The following JARID2 variants were observed in gnomAD, a reference collection of about 807,000 sequenced individuals.
JARID2 encodes the protein protein Jumonji.
Under a neutral mutation model 125.6 loss-of-function variants are expected in JARID2, and 21 were observed. The observed-to-expected ratio is 0.17, with a 90% CI of 0.12 to 0.24. JARID2 has a LOEUF of 0.24. Ranked by LOEUF, JARID2 falls within the 10% of genes least tolerant of loss-of-function variation. The pLI is 1.00. For missense variants in JARID2, 1,303 were observed against 1,639.6 expected, an observed-to-expected ratio of 0.79 and a Z score of 3.55; for synonymous variants, 736 against 661.6, an observed-to-expected ratio of 1.11 and a Z score of -1.73.
chr6:15,265,815 A>G (rs1344060698), intron 1 of JARID2, among the ~76,000 whole-genome samples: 1 of 152,032 alleles, frequency 6.6e-6, no homozygotes, highest in Non-Finnish European at 1.5e-5. Flanking sequence ...CATTCACAGG[A>G]TAGTGTGGGA....
intron 1 of JARID2, among the ~76,000 whole-genome samples, chr6:15,267,232 CCTAAA>C (rs1219743248): frequency 1.3e-5 from 2 of 152,150 alleles, no homozygotes; most frequent in Non-Finnish European, 2.9e-5. Flanking sequence ...CTCTTACTCT[CCTAAA>C]CTATTCTCCC....
chr6:15,257,292 T>C (rs1759702034), intron 1 of JARID2, among the ~76,000 whole-genome samples: 1 of 152,226 alleles, frequency 6.6e-6, no homozygotes, highest in Non-Finnish European at 1.5e-5. Context: ...TTTTGCTTAA[T>C]AAGAAGTGAT....
At chr6:15,519,168 G>A (rs951254992) in intron 17 of JARID2, among the ~76,000 whole-genome samples, 1 of 152,332 alleles carries the variant, frequency 6.6e-6, no homozygotes. Flanking sequence ...GCACACTGCC[G>A]CTCCTCCTCA....
intron 3 of JARID2, among the ~76,000 whole-genome samples, chr6:15,451,218 C>T (rs970436640): frequency 6.6e-6 from 1 of 152,058 alleles, no homozygotes; most frequent in African/African-American, 2.4e-5. Context: ...GGAATTTCTA[C>T]GTAAGATATT....
At chr6:15,269,572 A>ATT (rs35174256) in intron 1 of JARID2, among the ~76,000 whole-genome samples, 27 of 135,630 alleles carry the variant, frequency 2.0e-4, no homozygotes, top group East Asian at 1.5e-3. Context: ...CTATTTTAAA[A>ATT]TTTTTTTTTT....
intron 1 of JARID2, among the ~76,000 whole-genome samples, chr6:15,314,650 C>T (rs1048295332): frequency 1.2e-4 from 18 of 152,120 alleles, no homozygotes; most frequent in African/African-American, 3.1e-4. Flanking sequence ...GTTGAGGCCT[C>T]TTCAGTGAGA....
intron 1 of JARID2, among the ~76,000 whole-genome samples, chr6:15,348,224 T>A (rs193085685): frequency 6.6e-6 from 1 of 151,982 alleles, no homozygotes; most frequent in East Asian, 1.9e-4. Context: ...CCCGAATAGC[T>A]GGGATTACAG....
intron 2 of JARID2, among the ~76,000 whole-genome samples, chr6:15,393,321 T>G (rs1765095244): frequency 6.6e-6 from 1 of 152,200 alleles, no homozygotes; most frequent in African/African-American, 2.4e-5. Flanking sequence ...GCCTAGCAAT[T>G]TATTGCTGAG....
chr6:15,428,109 A>G (rs1766809533), intron 3 of JARID2, among the ~76,000 whole-genome samples: 1 of 152,106 alleles, frequency 6.6e-6, no homozygotes, highest in Non-Finnish European at 1.5e-5. Flanking sequence ...CTTGTTTTAG[A>G]AGAAAATTGG....
At chr6:15,308,568 C>T (rs752873121) in intron 1 of JARID2, among the ~76,000 whole-genome samples, 12 of 152,284 alleles carry the variant, frequency 7.9e-5, no homozygotes, top group Middle Eastern at 3.4e-3. Context: ...TAAATAGTGA[C>T]GGTTGATCTA....
At chr6:15,437,989 G>GT (rs1218650669) in intron 3 of JARID2, among the ~76,000 whole-genome samples, 4 of 152,162 alleles carry the variant, frequency 2.6e-5, no homozygotes, top group African/African-American at 9.6e-5. Flanking sequence ...GTCAGTGTCT[G>GT]TTAGTATTGT....
At position 15,377,814 on chromosome 6, in the gene JARID2, G is replaced by A. The variant is rs185948002; in HGVS notation, c.181+3562G>A. Among the ~76,000 whole-genome samples, 4 of 149,222 alleles carry A rather than the reference G, an allele frequency of 2.7e-5. No individual in the cohort carries two copies. The East Asian group carries it at 5.9e-4, about 22-fold the overall frequency. ...CCCAAAGTGCTGGGATTATGGGTGT[G>A]AGCCACCTGTCCCGAGCCAGGATGG... On this transcript the variant is annotated intron_variant, in intron 2 of 17. Transcript: ENST00000341776.
Position 15,520,384 on chromosome 6 carries a change from C to T in JARID2, c.*133C>T. ...AAGATTTTCTTCTGGTTTTAGAGAA[C>T]TAATTTTGTTTTAGCATTAAACTGT... On this transcript the variant is annotated 3_prime_UTR_variant, in exon 18 of 18. Transcript: ENST00000341776. 1 of 710,070 alleles carries T rather than the reference C, an allele frequency of 1.4e-6. No homozygotes were observed. The highest frequency in any genetic ancestry group is 2.2e-6 in the Non-Finnish European group (1 of 464,574). The allele number at this position is 710,070 out of a possible 1,614,324, so 44.0% of individuals were successfully genotyped here.
intron 3 of JARID2, among the ~76,000 whole-genome samples, chr6:15,433,998 G>T (rs370748707): frequency 4.0e-5 from 6 of 150,468 alleles, no homozygotes; most frequent in South Asian, 2.1e-4. Flanking sequence ...TTGAGAATAT[G>T]TATGTGCCAG....
At chr6:15,519,592 C>G (rs1282249988) in intron 17 of JARID2, among the ~76,000 whole-genome samples, 1 of 152,156 alleles carries the variant, frequency 6.6e-6, no homozygotes, top group Non-Finnish European at 1.5e-5. Flanking sequence ...GTTTTTGGTG[C>G]CGACAGATAA....
At chr6:15,290,131 C>T (rs1164861445) in intron 1 of JARID2, among the ~76,000 whole-genome samples, 1 of 152,222 alleles carries the variant, frequency 6.6e-6, no homozygotes, top group Non-Finnish European at 1.5e-5. Context: ...TGTGTTTCCT[C>T]ATCCCCTCCC....
intron 7 of JARID2, among the ~76,000 whole-genome samples, chr6:15,498,931 T>C (rs566383800): frequency 6.6e-6 from 1 of 152,302 alleles, no homozygotes; most frequent in South Asian, 2.1e-4. Flanking sequence ...GAGGGAAACA[T>C]TCCAAGTTTC....
intron 3 of JARID2, among the ~76,000 whole-genome samples, chr6:15,423,878 G>A (rs1238577520): frequency 6.6e-6 from 1 of 152,166 alleles, no homozygotes; most frequent in Non-Finnish European, 1.5e-5. Context: ...TGGTGCTGCT[G>A]TGCCTTTGCA....
chr6:15,364,238 T>A (rs1763896655), intron 1 of JARID2, among the ~76,000 whole-genome samples: 1 of 152,110 alleles, frequency 6.6e-6, no homozygotes, highest in Non-Finnish European at 1.5e-5. Context: ...CTAACTCCTT[T>A]CCATCACCCA....
Sources: allele counts gnomAD v4.1 joint callset (sites outside exome capture counted in the v4.1 genomes callset), GRCh38; gene constraint gnomAD v4.1.1; transcripts MANE v1.5; gene names NCBI Gene and HGNC (gene_info 2026-07-23, HGNC 2026-07-21).